The following DDAH1 variants were observed in gnomAD, a reference collection of about 807,000 sequenced individuals.
DDAH1 encodes the protein dimethylarginine dimethylaminohydrolase 1, also known as N(G),N(G)-dimethylarginine dimethylaminohydrolase 1.
In DDAH1, 19 loss-of-function variants were observed where a neutral mutation model predicts 28.8. That is an observed-to-expected ratio of 0.66 (90% CI 0.46 to 0.97). The LOEUF (loss-of-function observed/expected upper bound fraction) is 0.97. Among genes scored for constraint, DDAH1 ranks in the 50% least tolerant of loss-of-function variants. The pLI, the probability that DDAH1 is intolerant of heterozygous loss-of-function variation, is 0.00. For missense variants in DDAH1, 326 were observed against 375.9 expected, an observed-to-expected ratio of 0.87 and a Z score of 1.10; for synonymous variants, 153 against 154.4, an observed-to-expected ratio of 0.99 and a Z score of 0.07.
chr1:85,541,818 T>G (rs1160667164), intron 1 of DDAH1, among the ~76,000 whole-genome samples: 2 of 152,150 alleles, frequency 1.3e-5, no homozygotes, highest in Non-Finnish European at 2.9e-5. Context: ...CTTTGCTTCT[T>G]CAGCCACGCA....
intron 4 of DDAH1, among the ~76,000 whole-genome samples, chr1:85,348,197 C>T (rs1228338155): frequency 2.0e-5 from 3 of 152,118 alleles, no homozygotes; most frequent in Non-Finnish European, 2.9e-5. Context: ...ATGCCCTTAA[C>T]AGATGTGGTC....
intron 1 of DDAH1, among the ~76,000 whole-genome samples, chr1:85,496,700 T>C (rs191630585): frequency 2.3e-4 from 35 of 152,368 alleles, no homozygotes; most frequent in African/African-American, 8.2e-4. Context: ...AGCAAATTAA[T>C]TGAATTATAT....
chr1:85,356,306 C>T (rs1395582037), intron 2 of DDAH1, among the ~76,000 whole-genome samples: 1 of 152,136 alleles, frequency 6.6e-6, no homozygotes, highest in African/African-American at 2.4e-5. Context: ...TGACAGATTT[C>T]CCAGCAGGAA....
intron 5 of DDAH1, among the ~76,000 whole-genome samples, chr1:85,322,809 C>T (rs774182122): frequency 4.6e-5 from 7 of 152,108 alleles, no homozygotes; most frequent in South Asian, 2.1e-4. Context: ...GAGAGACAAA[C>T]GGCTGAATCA....
intron 1 of DDAH1, among the ~76,000 whole-genome samples, chr1:85,526,446 T>C (rs1236801935): frequency 2.0e-5 from 3 of 152,178 alleles, no homozygotes; most frequent in Non-Finnish European, 4.4e-5. Flanking sequence ...TGAGAAAGAA[T>C]AGGGCCTTAT....
intron 4 of DDAH1, among the ~76,000 whole-genome samples, chr1:85,349,512 C>T (rs1649069334): frequency 6.6e-6 from 1 of 152,192 alleles, no homozygotes; most frequent in South Asian, 2.1e-4. Flanking sequence ...GTGTGCAGGA[C>T]CAGCTAAGAG....
chr1:85,564,741 G>GTGCC (rs1659244372), intron 1 of DDAH1, among the ~76,000 whole-genome samples: 1 of 151,780 alleles, frequency 6.6e-6, no homozygotes, highest in Admixed American at 6.6e-5. Context: ...ATGGTGGCGG[G>GTGCC]TGCCTGTAAT....
chr1:85,492,574 C>A (rs912008901), intron 2 of DDAH1, among the ~76,000 whole-genome samples: 1 of 152,068 alleles, frequency 6.6e-6, no homozygotes, highest in African/African-American at 2.4e-5. Context: ...GATATCAGCA[C>A]GTGGAATTTC....
chr1:85,325,788 CT>C (rs1330535587), intron 4 of DDAH1, among the ~76,000 whole-genome samples: 3 of 152,144 alleles, frequency 2.0e-5, no homozygotes, highest in African/African-American at 7.2e-5. Flanking sequence ...ACTCCTCCCC[CT>C]AACAACAAGA....
At chr1:85,393,110 C>T (rs895502930) in intron 1 of DDAH1, among the ~76,000 whole-genome samples, 4 of 152,140 alleles carry the variant, frequency 2.6e-5, no homozygotes, top group South Asian at 2.1e-4. Context: ...TTCCCTCAAA[C>T]GAAATATTTA....
At chr1:85,409,057 A>G (rs568750258) in intron 1 of DDAH1, among the ~76,000 whole-genome samples, 1 of 152,326 alleles carries the variant, frequency 6.6e-6, no homozygotes, top group African/African-American at 2.4e-5. Context: ...TGCATGCCAC[A>G]TGCAGCCCAG....
At chr1:85,436,371 T>G (rs1653945583) in intron 1 of DDAH1, among the ~76,000 whole-genome samples, 1 of 152,178 alleles carries the variant, frequency 6.6e-6, no homozygotes, top group African/African-American at 2.4e-5. Flanking sequence ...ACATGTGAAT[T>G]CACATTAACA....
At chr1:85,442,527 C>T (rs1654245827) in intron 1 of DDAH1, among the ~76,000 whole-genome samples, 1 of 152,196 alleles carries the variant, frequency 6.6e-6, no homozygotes, top group African/African-American at 2.4e-5. Flanking sequence ...GATTTATAAT[C>T]CTTTGGGTAT....
At chr1:85,404,280 A>T in intron 1 of DDAH1, 1 of 1,176,158 alleles carries the variant, frequency 8.5e-7, no homozygotes, top group African/African-American at 1.5e-5. Flanking sequence ...ACCAGTTCAT[A>T]TTGACCCATT....
intron 2 of DDAH1, among the ~76,000 whole-genome samples, chr1:85,479,334 C>A (rs1052485985): frequency 2.0e-5 from 3 of 150,988 alleles, no homozygotes; most frequent in African/African-American, 7.3e-5. Flanking sequence ...CCACCGCGCC[C>A]GGCTAATTTT....
chr1:85,554,575 T>C (rs774570775), intron 1 of DDAH1, among the ~76,000 whole-genome samples: 3 of 152,356 alleles, frequency 2.0e-5, no homozygotes, highest in Non-Finnish European at 2.9e-5. Context: ...TTGTCTCTAC[T>C]TTTAGAATAA....
intron 1 of DDAH1, among the ~76,000 whole-genome samples, chr1:85,436,163 A>G (rs1653933721): frequency 6.6e-6 from 1 of 152,190 alleles, no homozygotes. Context: ...CTAAAAATAA[A>G]GGTGAAAAAA....
At chr1:85,339,057 A>AT (rs1194262921) in intron 4 of DDAH1, among the ~76,000 whole-genome samples, 5 of 149,798 alleles carry the variant, frequency 3.3e-5, no homozygotes, top group South Asian at 2.1e-4. Flanking sequence ...AAAAAAAAAA[A>AT]AAAAAATATA....
chr1:85,414,485 G>A (rs1264398818), intron 1 of DDAH1, among the ~76,000 whole-genome samples: 1 of 152,120 alleles, frequency 6.6e-6, no homozygotes, highest in Non-Finnish European at 1.5e-5. Flanking sequence ...GAGTAAAAAG[G>A]CAAGCCACAA....
Sources: gnomAD v4.1 joint callset for allele counts (sites outside exome capture counted in the v4.1 genomes callset) on GRCh38, gnomAD v4.1.1 for gene constraint, MANE v1.5 for transcripts, NCBI Gene and HGNC (gene_info 2026-07-23, HGNC 2026-07-21) for gene names.